The following FRMD6 variants were observed in gnomAD, a reference collection of about 807,000 sequenced individuals.
FRMD6 encodes the protein FERM domain-containing protein 6.
In FRMD6, 37 loss-of-function variants were observed where a neutral mutation model predicts 73.2. The ratio of observed to expected loss-of-function variants is 0.51; its 90% CI spans 0.39 to 0.66. FRMD6 has a LOEUF of 0.66. FRMD6 is among the 30% of genes least tolerant of loss of function. FRMD6 has a pLI of 0.00. For synonymous variants in FRMD6, 273 were observed against 282.2 expected (o/e 0.97, Z 0.33); for missense variants, 714 against 780.5 (o/e 0.91, Z 1.02).
chr14:51,616,487 G>A (rs1211876367), intron 2 of FRMD6, among the ~76,000 whole-genome samples: 2 of 152,190 alleles, frequency 1.3e-5, no homozygotes, highest in Non-Finnish European at 2.9e-5. Context: ...CAGCTGTGAG[G>A]CGGTCTTAAA....
At chr14:51,527,839 C>T (rs1423008932) in intron 1 of FRMD6, among the ~76,000 whole-genome samples, 1 of 152,132 alleles carries the variant, frequency 6.6e-6, no homozygotes, top group African/African-American at 2.4e-5. Flanking sequence ...AAATATGATC[C>T]CTCTGTTCCA....
rs771036093 is a variant in FRMD6, at chr14:51,708,144, G to T, written c.625G>T (p.Ala209Ser). Residue 209 changes from alanine (A) to serine (S), a missense_variant, in exon 7 of 14, where the codon GCA becomes TCA. Ala to Ser is a moderately conservative substitution (Grantham distance 99). Coordinates refer to ENST00000344768, the MANE Select transcript of FRMD6 (RefSeq NM_001267046.2). Reference sequence around the variant, plus strand: ...TCCAAACATGCACAAAGATCAGTTTGCACTAACAGCTTCCGAAGCTCATCT... The same window carrying T: ...TCCAAACATGCACAAAGATCAGTTTTCACTAACAGCTTCCGAAGCTCATCT... ...HIPNMHKDQF[A>S]LTASEAHLKY... 6.2e-7 allele frequency: 1 copy of T among 1,613,372 alleles called. No homozygotes were observed. The highest frequency in any genetic ancestry group is 2.2e-5 in the East Asian group (1 of 44,858).
intron 1 of FRMD6, among the ~76,000 whole-genome samples, chr14:51,504,648 TGG>T (rs1276482112): frequency 6.6e-6 from 1 of 152,176 alleles, no homozygotes; most frequent in Non-Finnish European, 1.5e-5. Context: ...CTTTCTCTGG[TGG>T]GTTAAATCAG....
intron 7 of FRMD6, among the ~76,000 whole-genome samples, chr14:51,711,306 G>A (rs894698045): frequency 6.6e-6 from 1 of 152,092 alleles, no homozygotes; most frequent in Non-Finnish European, 1.5e-5. Context: ...GAAATCTCAG[G>A]AATTTAAAAA....
intron 12 of FRMD6, among the ~76,000 whole-genome samples, 165 bp from the exon 13 acceptor site, chr14:51,725,614 T>C (rs1185592904): frequency 6.6e-6 from 1 of 152,142 alleles, no homozygotes; most frequent in East Asian, 1.9e-4. Context: ...TGAGAGAGAG[T>C]GTGTGTGCTG....
In FRMD6 at chr14:51,581,939, G is replaced by GA. The variant is rs976354814; in HGVS notation, c.-147+11537dup. 1.2e-3 allele frequency among the ~76,000 whole-genome samples: 178 copies of GA among 152,012 alleles called. 1 individual carries two copies. The highest frequency in any genetic ancestry group is 2.1e-3 in the Non-Finnish European group (142 of 67,920). On this transcript the variant is annotated intron_variant, in intron 2 of 14. Transcript: ENST00000356218. ...GGAACCACAGTAGGTGAAAGACTTTGAAAAAAAATCCTCTGTTGTGAATAT... is the reference window on the plus strand; with the variant it reads ...GGAACCACAGTAGGTGAAAGACTTTGAAAAAAAAATCCTCTGTTGTGAATAT...
At chr14:51,711,769 G>A (rs1896958076) in intron 8 of FRMD6, among the ~76,000 whole-genome samples, 173 bp downstream of exon 8, 1 of 152,184 alleles carries the variant, frequency 6.6e-6, no homozygotes, top group Non-Finnish European at 1.5e-5. Flanking sequence ...GACTCAGCCT[G>A]ATTGTTGACA....
At chr14:51,614,805 T>C (rs77680211) in intron 2 of FRMD6, among the ~76,000 whole-genome samples, 5,803 of 152,282 alleles carry the variant, frequency 0.038, 172 homozygotes, top group Non-Finnish European at 0.056. Flanking sequence ...CACATAATTA[T>C]AGACCTGTGA....
chr14:51,638,110 C>T lies in FRMD6; in HGVS notation c.-146-51581C>T, dbSNP rs78540718. 2.8e-4 allele frequency among the ~76,000 whole-genome samples: 42 copies of T among 152,254 alleles called. No homozygotes were observed. The East Asian group carries it at 6.8e-3, about 25-fold the overall frequency. On this transcript the variant is annotated intron_variant, in intron 2 of 14. Coordinates refer to the FRMD6 transcript ENST00000356218. ...ACCAGCCTGGACAACACAGTGAACC[C>T]TTGTGTCTACAAAAATTTACAAAAT...
At chr14:51,439,581 A>G in the FRMD6 span, among the ~76,000 whole-genome samples, 1 of 152,212 alleles carries the variant, frequency 6.6e-6, no homozygotes, top group East Asian at 1.9e-4. Context: ...AGGCAGGTCC[A>G]CAGTAAGTGA....
At chr14:51,461,946 C>A in the FRMD6 span, among the ~76,000 whole-genome samples, 1 of 152,098 alleles carries the variant, frequency 6.6e-6, no homozygotes, top group Non-Finnish European at 1.5e-5. Flanking sequence ...TAGCACACAG[C>A]AGGCACTCAA....
At chr14:51,476,485 C>T in the FRMD6 span, among the ~76,000 whole-genome samples, 1 of 152,132 alleles carries the variant, frequency 6.6e-6, no homozygotes, top group Admixed American at 6.5e-5. Context: ...CTCTTTATAC[C>T]TGCTTTACTT....
At chr14:51,574,347 C>G (rs149382316) in intron 2 of FRMD6, among the ~76,000 whole-genome samples, 3 of 152,256 alleles carry the variant, frequency 2.0e-5, no homozygotes, top group Non-Finnish European at 2.9e-5. Flanking sequence ...ATCCACAGAG[C>G]CTTTAAAGCT....
intron 2 of FRMD6, among the ~76,000 whole-genome samples, chr14:51,638,261 G>A (rs1420618676): frequency 6.6e-6 from 1 of 152,118 alleles, no homozygotes; most frequent in African/African-American, 2.4e-5. Context: ...CAGCCTGGAT[G>A]ACAGAGCAAG....
At chr14:51,660,054 A>G (rs1013639881) in intron 1 of FRMD6, among the ~76,000 whole-genome samples, 2 of 152,192 alleles carry the variant, frequency 1.3e-5, no homozygotes, top group African/African-American at 4.8e-5. Context: ...CTGTTTGTTA[A>G]AGGGCGGGGG....
At chr14:51,426,651 G>T in the FRMD6 span, among the ~76,000 whole-genome samples, 1 of 152,210 alleles carries the variant, frequency 6.6e-6, no homozygotes, top group Admixed American at 6.5e-5. Context: ...CACTAAGTAG[G>T]ATAAGAGATG....
At chr14:51,398,651 A>T in the FRMD6 span, among the ~76,000 whole-genome samples, 4 of 152,286 alleles carry the variant, frequency 2.6e-5, no homozygotes, top group African/African-American at 9.6e-5. Flanking sequence ...AGGCTTTTGG[A>T]ACAAAGAAAT....
chr14:51,646,020 A>C (rs924730716), intron 2 of FRMD6, among the ~76,000 whole-genome samples: 2 of 152,014 alleles, frequency 1.3e-5, no homozygotes, highest in African/African-American at 4.8e-5. Context: ...CATTGATATC[A>C]CAAAACACTG....
At chr14:51,422,713 G>A in the FRMD6 span, among the ~76,000 whole-genome samples, 5 of 152,310 alleles carry the variant, frequency 3.3e-5, no homozygotes, top group South Asian at 6.2e-4. Context: ...AGTCAAGGAG[G>A]CAAATCAGTT....
Sources: gnomAD v4.1 joint callset for allele counts (sites outside exome capture counted in the v4.1 genomes callset) on GRCh38, gnomAD v4.1.1 for gene constraint, MANE v1.5 for transcripts, NCBI Gene and HGNC (gene_info 2026-07-23, HGNC 2026-07-21) for gene names.